Variants in ZNF2 observed in about 807,000 individuals in gnomAD.
ZNF2 encodes the protein zinc finger protein 2.
In ZNF2, 12 loss-of-function variants were observed where a neutral mutation model predicts 21.9. The observed-to-expected ratio is 0.55, with a 90% CI of 0.35 to 0.89. The LOEUF is 0.89. ZNF2 is among the 40% of genes least tolerant of loss of function. ZNF2 has a pLI of 0.01. For synonymous variants in ZNF2, 186 were observed against 196.3 expected (o/e 0.95, Z 0.44); for missense variants, 462 against 544.2 (o/e 0.85, Z 1.50).
chr2:95,181,951 G>A lies in ZNF2; in HGVS notation c.1123G>A (p.Gly375Arg), dbSNP rs376501022. 30 of 1,614,288 alleles carry A rather than the reference G, an allele frequency of 1.9e-5. No homozygotes were observed. Among genetic ancestry groups the A allele is most frequent in the South Asian group, 5.5e-5 (5 of 91,088 alleles). Reference protein sequence around the residue: ...GDKPYECSECGKAFSQRCRLT... With the variant: ...GDKPYECSECRKAFSQRCRLT... The stretch of plus-strand genomic sequence containing the variant: ...CAAGCCATATGAATGCAGCGAATGC[G>A]GGAAAGCCTTTAGCCAGCGGTGCCG... Residue 375 changes from glycine to arginine, a missense_variant, in exon 5 of 5, where the codon GGG becomes AGG. Coordinates refer to ENST00000614034, the MANE Select transcript of ZNF2 (RefSeq NM_021088.4).
chr2:95,180,511 C>CTTT (rs1165637913), intron 4 of ZNF2, among the ~76,000 whole-genome samples: 1 of 139,380 alleles, frequency 7.2e-6, no homozygotes, highest in Non-Finnish European at 1.6e-5. Context: ...TTTGCTATTT[C>CTTT]TTTTTTTTTT....
chr2:95,176,318 T>C, intron 2 of ZNF2, 59 bp downstream of exon 2: 2 of 1,609,456 alleles, frequency 1.2e-6, no homozygotes, highest in Non-Finnish European at 1.7e-6. Context: ...GTAACCACTT[T>C]TCTTTCTCTA....
intron 1 of ZNF2, among the ~76,000 whole-genome samples, chr2:95,166,408 A>G (rs1275466891): frequency 6.6e-6 from 1 of 152,168 alleles, no homozygotes; most frequent in Admixed American, 6.5e-5. Context: ...GAACAGTGGT[A>G]GACAAGGTTG....
intron 3 of ZNF2, among the ~76,000 whole-genome samples, chr2:95,178,174 A>G (rs1674512623): frequency 6.6e-6 from 1 of 152,180 alleles, no homozygotes; most frequent in Non-Finnish European, 1.5e-5. Context: ...TGACAAAGAG[A>G]AAGTTAAGAG....
Position 95,182,054 on chromosome 2 carries a change from A to AAT in ZNF2, c.1227_1228dup (p.Ser410TyrfsTer16). On this transcript the variant is annotated frameshift_variant, in exon 5 of 5. Transcript: ENST00000614034. LOFTEE classifies it high-confidence loss of function. ...GTGTGTGGGAAAGTTTTCAGTTCAA[A>AAT]ATCTTCTGTTATTCAACATCAACGG... 7 of 1,612,814 alleles carry AAT rather than the reference A, an allele frequency of 4.3e-6. No homozygotes were observed. Among genetic ancestry groups the AAT allele is most frequent in the Non-Finnish European group, 5.9e-6 (7 of 1,178,950 alleles).
intron 4 of ZNF2, among the ~76,000 whole-genome samples, chr2:95,180,473 T>C (rs1231897408): frequency 1.3e-5 from 2 of 152,118 alleles, no homozygotes; most frequent in Admixed American, 1.3e-4. Context: ...TGTTACTTTC[T>C]CACGTCTGTA....
intron 1 of ZNF2, among the ~76,000 whole-genome samples, chr2:95,168,177 A>G (rs1324786169): frequency 6.6e-6 from 1 of 152,128 alleles, no homozygotes; most frequent in Non-Finnish European, 1.5e-5. Flanking sequence ...CTGTAATCCC[A>G]GCACTGTGGG....
Position 95,176,224 on chromosome 2 carries a change from A to G in ZNF2, c.-3A>G. ...TGTCCACAAGGAGAGCACACAGGAG[A>G]GAATGGCTGCTGTGTCTCCGACCAC... On this transcript the variant is annotated 5_prime_UTR_variant, in exon 2 of 5. Transcript: ENST00000614034. 6.2e-7 allele frequency: 1 copy of G among 1,614,038 alleles called. No individual in the cohort carries two copies. The highest frequency in any genetic ancestry group is 8.5e-7 in the Non-Finnish European group (1 of 1,180,002).
At chr2:95,173,954 A>C (rs1456472484) in intron 1 of ZNF2, among the ~76,000 whole-genome samples, 1 of 152,154 alleles carries the variant, frequency 6.6e-6, no homozygotes, top group Non-Finnish European at 1.5e-5. Flanking sequence ...CATGATCCGC[A>C]TGTCTTGGCC....
intron 1 of ZNF2, among the ~76,000 whole-genome samples, chr2:95,172,548 T>C (rs993409888): frequency 6.6e-6 from 1 of 152,216 alleles, no homozygotes; most frequent in Non-Finnish European, 1.5e-5. Context: ...CATTTTATTA[T>C]GTGTTTTTCC....
intron 1 of ZNF2, among the ~76,000 whole-genome samples, chr2:95,175,595 T>C (rs1674413873): frequency 6.6e-6 from 1 of 152,152 alleles, no homozygotes; most frequent in Non-Finnish European, 1.5e-5. Flanking sequence ...TGACATTTCT[T>C]AGTTCACATT....
intron 2 of ZNF2, 83 bp from the exon 3 acceptor site, chr2:95,177,400 A>G: frequency 6.5e-7 from 1 of 1,528,174 alleles, no homozygotes; most frequent in Non-Finnish European, 8.9e-7. Context: ...TGCGTCCTCC[A>G]GGGCTGTCAT....
chr2:95,178,741 T>C lies in ZNF2; in HGVS notation c.160+1132T>C, dbSNP rs115680537. Reference sequence around the variant, plus strand: ...CCTAAGGAAATAATAGGACTAGTAGTCCATGGTGTATGCAGATGTTCATCA... The same window carrying C: ...CCTAAGGAAATAATAGGACTAGTAGCCCATGGTGTATGCAGATGTTCATCA... On this transcript the variant is annotated intron_variant, in intron 3 of 4. Transcript: ENST00000614034. Among the ~76,000 whole-genome samples, 555 of 152,294 alleles carry C rather than the reference T, an allele frequency of 3.6e-3. 5 individuals are homozygous for C. Among genetic ancestry groups the C allele is most frequent in the Non-Finnish European group, 7.0e-3 (477 of 68,024 alleles).
intron 1 of ZNF2, among the ~76,000 whole-genome samples, chr2:95,172,978 T>G (rs1311462668): frequency 6.6e-6 from 1 of 151,828 alleles, no homozygotes; most frequent in African/African-American, 2.4e-5. Flanking sequence ...TTTTTTTTTT[T>G]TGTAAGAAAC....
intron 1 of ZNF2, among the ~76,000 whole-genome samples, chr2:95,174,522 A>G (rs1674378304): frequency 6.6e-6 from 1 of 152,194 alleles, no homozygotes. Flanking sequence ...CCATGTAAAG[A>G]CCTGCCTCCT....
rs1336029615 is a variant in ZNF2, at chr2:95,182,777, G to T, written c.*671G>T. 2.0e-5 allele frequency: 3 copies of T among 152,618 alleles called. No individual in the cohort carries two copies. Among genetic ancestry groups the T allele is most frequent in the Non-Finnish European group, 2.9e-5 (2 of 68,044 alleles). 9.5% of individuals were successfully genotyped at this position (152,618 alleles called of 1,614,324 possible). On this transcript the variant is annotated 3_prime_UTR_variant, in exon 5 of 5. Coordinates refer to ENST00000614034, the MANE Select transcript of ZNF2 (RefSeq NM_021088.4). ...ACCAGCTGGTAAAAGGTGATGCCAG[G>T]TCTTGAAGACAGGTCCACCTTCAAA...
At chr2:95,172,409 C>A (rs1199886397) in intron 1 of ZNF2, among the ~76,000 whole-genome samples, 1 of 152,140 alleles carries the variant, frequency 6.6e-6, no homozygotes, top group Admixed American at 6.5e-5. Flanking sequence ...TTTCTGCACA[C>A]CACCCTTCTT....
chr2:95,177,577 T>C lies in ZNF2; in HGVS notation c.128T>C (p.Met43Thr), dbSNP rs1376202813. The change falls in exon 3 of 5, where the codon ATG becomes ACG. Residue 43 changes from methionine to threonine, a missense_variant. Physicochemically the swap from Met to Thr is moderately conservative, Grantham distance 81. Coordinates refer to ENST00000614034, the MANE Select transcript of ZNF2 (RefSeq NM_021088.4). ...PIQRDLYKEV[M>T]LENYNSIVSL... Reference sequence around the variant, plus strand: ...CAGAGGGACCTCTACAAGGAGGTGATGCTGGAGAACTATAACAGCATTGTG... The same window carrying C: ...CAGAGGGACCTCTACAAGGAGGTGACGCTGGAGAACTATAACAGCATTGTG... 5.0e-6 allele frequency: 8 copies of C among 1,613,930 alleles called. No individual in the cohort carries two copies. Among genetic ancestry groups the C allele is most frequent in the African/African-American group, 1.3e-5 (1 of 74,928 alleles).
chr2:95,180,429 C>T (rs1198282571), intron 4 of ZNF2, among the ~76,000 whole-genome samples, 157 bp downstream of exon 4: 1 of 152,070 alleles, frequency 6.6e-6, no homozygotes, highest in Non-Finnish European at 1.5e-5. Context: ...TTTCCCTCTA[C>T]ACCTTAACGT....
Sources: gnomAD v4.1 joint callset for allele counts (sites outside exome capture counted in the v4.1 genomes callset) on GRCh38, gnomAD v4.1.1 for gene constraint, MANE v1.5 for transcripts, NCBI Gene and HGNC (gene_info 2026-07-23, HGNC 2026-07-21) for gene names.